Variants in FGF14 observed in about 807,000 individuals in gnomAD.
FGF14 encodes the protein fibroblast growth factor homologous factor 4.
In FGF14, 5 loss-of-function variants were observed where a neutral mutation model predicts 25.5. The observed-to-expected ratio is 0.20, with a 90% CI of 0.10 to 0.41. The LOEUF is 0.41. Ranked by LOEUF, FGF14 falls within the 10% of genes least tolerant of loss-of-function variation. The probability of loss-of-function intolerance (pLI) is 1.00; values close to 1 mark genes in which losing one functional copy is unlikely to be tolerated. For missense variants in FGF14, 222 were observed against 320.1 expected, an observed-to-expected ratio of 0.69 and a Z score of 2.34; for synonymous variants, 138 against 118.3, an observed-to-expected ratio of 1.17 and a Z score of -1.08.
At chr13:102,192,499 TC>T (rs1276922148) in intron 1 of FGF14, among the ~76,000 whole-genome samples, 1 of 152,160 alleles carries the variant, frequency 6.6e-6, no homozygotes, top group Non-Finnish European at 1.5e-5. Flanking sequence ...TTCCAAATCT[TC>T]AACTCTGGTT....
At position 101,880,805 on chromosome 13, in the gene FGF14, C is replaced by T. The variant is rs184525926; in HGVS notation, c.194-5509G>A. Among the ~76,000 whole-genome samples the T allele has an allele frequency of 6.9e-3, 1,044 of 152,258 alleles. 10 individuals are homozygous for T. Among genetic ancestry groups the T allele is most frequent in the South Asian group, 0.013 (65 of 4,820 alleles). On this transcript the variant is annotated intron_variant, in intron 1 of 4. Coordinates refer to ENST00000376143, the MANE Select transcript of FGF14 (RefSeq NM_004115.4). Reference sequence around the variant, plus strand: ...CACGGTGCTTGCCACAGAACAGATGCTCAAATAGTATTTATTGAACCGAAT... The same window carrying T: ...CACGGTGCTTGCCACAGAACAGATGTTCAAATAGTATTTATTGAACCGAAT...
chr13:102,072,923 G>T (rs1009085597), intron 1 of FGF14, among the ~76,000 whole-genome samples: 4 of 152,186 alleles, frequency 2.6e-5, no homozygotes, highest in Non-Finnish European at 5.9e-5. Context: ...AAACTGAAGA[G>T]TTCATGCCCC....
chr13:102,068,483 C>T (rs968906578), intron 1 of FGF14, among the ~76,000 whole-genome samples: 1 of 152,202 alleles, frequency 6.6e-6, no homozygotes, highest in Non-Finnish European at 1.5e-5. Flanking sequence ...GGGAGAGGCG[C>T]GAGCGGGAAC....
intron 3 of FGF14, among the ~76,000 whole-genome samples, chr13:101,829,552 G>A (rs1417044520): frequency 6.6e-6 from 1 of 151,938 alleles, no homozygotes; most frequent in African/African-American, 2.4e-5. Flanking sequence ...TATTCCGGAG[G>A]TATTGAGAAC....
chr13:101,943,289 C>A (rs1461088190), intron 1 of FGF14, among the ~76,000 whole-genome samples: 1 of 152,176 alleles, frequency 6.6e-6, no homozygotes, highest in African/African-American at 2.4e-5. Context: ...CTGCTACCAT[C>A]TACTAGATTG....
At chr13:101,752,538 CTG>C (rs2037358149) in intron 3 of FGF14, among the ~76,000 whole-genome samples, 2 of 152,172 alleles carry the variant, frequency 1.3e-5, no homozygotes. Context: ...AAGTCAGTCT[CTG>C]TATCATTTCA....
At chr13:102,171,718 G>A (rs968889257) in intron 1 of FGF14, among the ~76,000 whole-genome samples, 1 of 151,966 alleles carries the variant, frequency 6.6e-6, no homozygotes, top group Non-Finnish European at 1.5e-5. Context: ...ATTGAAAAAT[G>A]GTAAAGATTT....
At chr13:102,271,067 C>T (rs1443169356) in intron 1 of FGF14, among the ~76,000 whole-genome samples, 2 of 152,174 alleles carry the variant, frequency 1.3e-5, no homozygotes, top group African/African-American at 4.8e-5. Context: ...AGTTACTCCA[C>T]ATGCTCTACA....
chr13:101,762,855 C>G (rs2038118532), intron 3 of FGF14, among the ~76,000 whole-genome samples: 1 of 152,176 alleles, frequency 6.6e-6, no homozygotes, highest in African/African-American at 2.4e-5. Context: ...CATGGTGTCA[C>G]ATTTTTCCCT....
chr13:101,787,578 G>A (rs1444831707), intron 3 of FGF14, among the ~76,000 whole-genome samples: 1 of 152,122 alleles, frequency 6.6e-6, no homozygotes, highest in Non-Finnish European at 1.5e-5. Flanking sequence ...TGGTTCTCAG[G>A]AGAAACTCCC....
chr13:101,802,016 G>A (rs187895445), intron 3 of FGF14: 10 of 433,880 alleles, frequency 2.3e-5, no homozygotes, highest in East Asian at 1.2e-4. Flanking sequence ...GATGTGCTCC[G>A]ACAGGTGAAA....
chr13:101,923,428 G>A (rs879338984), intron 1 of FGF14, among the ~76,000 whole-genome samples: 10 of 151,844 alleles, frequency 6.6e-5, no homozygotes, highest in Admixed American at 1.3e-4. Context: ...AAATACTTCC[G>A]GAAAAGTAAT....
chr13:102,021,446 G>A (rs1377066853), intron 1 of FGF14, among the ~76,000 whole-genome samples: 1 of 151,818 alleles, frequency 6.6e-6, no homozygotes, highest in African/African-American at 2.4e-5. Context: ...AGAGCCCTTT[G>A]GGAGAACTGT....
At position 101,818,114 on chromosome 13, in the gene FGF14, G is replaced by A. The variant is rs74121041; in HGVS notation, c.408+50611C>T. 4.3e-3 allele frequency among the ~76,000 whole-genome samples: 649 copies of A among 152,306 alleles called. 3 individuals are homozygous for A. Among genetic ancestry groups the A allele is most frequent in the African/African-American group, 0.015 (623 of 41,564 alleles). On this transcript the variant is annotated intron_variant, in intron 3 of 4. Transcript: ENST00000376143. ...CATGACTTGGAGATGTTCTAACAGA[G>A]GGAGAAATACCTGCAGACACGTGAA...
chr13:102,287,357 T>G (rs1222239737), intron 1 of FGF14, among the ~76,000 whole-genome samples: 1 of 152,206 alleles, frequency 6.6e-6, no homozygotes, highest in Non-Finnish European at 1.5e-5. Context: ...CACCTTAGTT[T>G]ATGACATTAT....
At chr13:102,256,845 C>T (rs2052465670) in intron 1 of FGF14, among the ~76,000 whole-genome samples, 1 of 152,038 alleles carries the variant, frequency 6.6e-6, no homozygotes, top group Non-Finnish European at 1.5e-5. Flanking sequence ...ATATGTTATG[C>T]AATATCAGGT....
At chr13:102,159,831 T>G (rs753661978) in intron 1 of FGF14, among the ~76,000 whole-genome samples, 6 of 152,228 alleles carry the variant, frequency 3.9e-5, no homozygotes, top group Non-Finnish European at 5.9e-5. Context: ...TAAAGTTATC[T>G]GGGTCAGATA....
intron 1 of FGF14, among the ~76,000 whole-genome samples, chr13:102,128,010 G>T (rs1470144739): frequency 1.3e-5 from 2 of 152,128 alleles, no homozygotes; most frequent in Non-Finnish European, 2.9e-5. Context: ...CCAGGAAAGA[G>T]AACACCTTTC....
At position 102,258,384 on chromosome 13, in the gene FGF14, T is replaced by C. The variant is rs890745223; in HGVS notation, c.208+143087A>G. The stretch of plus-strand genomic sequence containing the variant: ...AGGCCAAGCGACCATGGAGGTCGCT[T>C]GCCTCCACCCCTCTTGCTTGCCCAG... On this transcript the variant is annotated intron_variant, in intron 1 of 4. Coordinates refer to the FGF14 transcript ENST00000376131. Among the ~76,000 whole-genome samples the C allele has an allele frequency of 1.2e-4, 19 of 152,176 alleles. No homozygotes were observed. In the East Asian group the frequency reaches 3.7e-3, roughly 30 times the overall value.
Sources: allele counts gnomAD v4.1 joint callset (sites outside exome capture counted in the v4.1 genomes callset), GRCh38; gene constraint gnomAD v4.1.1; transcripts MANE v1.5; gene names NCBI Gene and HGNC (gene_info 2026-07-23, HGNC 2026-07-21).